The following LINGO2 variants were observed in gnomAD, a reference collection of about 807,000 sequenced individuals.
LINGO2 encodes leucine-rich repeat and immunoglobulin-like domain-containing nogo receptor-interacting protein 2.
Under a neutral mutation model 30.6 loss-of-function variants are expected in LINGO2, and 14 were observed. The observed-to-expected ratio is 0.46, with a 90% CI of 0.30 to 0.72. The LOEUF (loss-of-function observed/expected upper bound fraction) is 0.72. Among genes scored for constraint, LINGO2 ranks in the 30% least tolerant of loss-of-function variants. The pLI is 0.07. For missense variants in LINGO2, 729 were observed against 751.7 expected (o/e 0.97, Z 0.35); for synonymous variants, 317 against 288.5 (o/e 1.10, Z -1.00).
chr9:28,109,344 A>T (rs952233615), intron 4 of LINGO2, among the ~76,000 whole-genome samples: 1 of 152,190 alleles, frequency 6.6e-6, no homozygotes. Context: ...CAAGACAAGG[A>T]TGCCCTCTCT....
the LINGO2 span, among the ~76,000 whole-genome samples, chr9:29,122,880 G>A: frequency 6.6e-6 from 1 of 152,046 alleles, no homozygotes; most frequent in South Asian, 2.1e-4. Context: ...GTCATGTCTT[G>A]GGACATAAAT....
At chr9:29,165,328 C>T in the LINGO2 span, among the ~76,000 whole-genome samples, 1 of 151,988 alleles carries the variant, frequency 6.6e-6, no homozygotes. Context: ...AATAATGACT[C>T]AAAGCACTGG....
chr9:28,729,169 C>T, the LINGO2 span, among the ~76,000 whole-genome samples: 3 of 152,070 alleles, frequency 2.0e-5, no homozygotes, highest in African/African-American at 7.2e-5. Flanking sequence ...AGACTAGTAT[C>T]ATGCTGGATA....
chr9:28,151,155 C>A (rs1347916448), intron 4 of LINGO2, among the ~76,000 whole-genome samples: 1 of 152,146 alleles, frequency 6.6e-6, no homozygotes, highest in Non-Finnish European at 1.5e-5. Flanking sequence ...TAAGACCCAA[C>A]AGTACATTGC....
chr9:27,956,352 A>G (rs1819569052), intron 5 of LINGO2, among the ~76,000 whole-genome samples: 1 of 152,136 alleles, frequency 6.6e-6, no homozygotes, highest in Admixed American at 6.5e-5. Context: ...CCATTTAGGT[A>G]GATTCTTTGG....
At chr9:28,602,740 A>G (rs897998131) in intron 1 of LINGO2, among the ~76,000 whole-genome samples, 4 of 152,118 alleles carry the variant, frequency 2.6e-5, no homozygotes, top group African/African-American at 9.7e-5. Flanking sequence ...ATCCATATTT[A>G]GATTTCTGAA....
At chr9:28,553,837 C>T (rs144533698) in intron 1 of LINGO2, among the ~76,000 whole-genome samples, 2,347 of 152,004 alleles carry the variant, frequency 0.015, 28 homozygotes, top group Middle Eastern at 0.024. Context: ...GACTGGGGGC[C>T]GATATTCAAC....
the LINGO2 span, among the ~76,000 whole-genome samples, chr9:28,710,609 G>A: frequency 6.6e-6 from 1 of 151,844 alleles, no homozygotes; most frequent in Non-Finnish European, 1.5e-5. Context: ...AAATCTACTT[G>A]GGATGACTGG....
intron 1 of LINGO2, among the ~76,000 whole-genome samples, chr9:28,636,853 T>C (rs1248173898): frequency 6.6e-6 from 1 of 152,226 alleles, no homozygotes; most frequent in East Asian, 1.9e-4. Flanking sequence ...ATTTTGGCTT[T>C]TGTTGCCACT....
At chr9:28,046,157 G>A (rs1824412103) in intron 4 of LINGO2, among the ~76,000 whole-genome samples, 1 of 152,140 alleles carries the variant, frequency 6.6e-6, no homozygotes. Context: ...TTTTAAATGA[G>A]ATCCTTTTGC....
chr9:28,637,225 C>A (rs1202909170), intron 1 of LINGO2, among the ~76,000 whole-genome samples: 1 of 152,042 alleles, frequency 6.6e-6, no homozygotes, highest in Non-Finnish European at 1.5e-5. Context: ...GTTACTGTAG[C>A]CTTGTAGTAT....
At chr9:28,810,566 G>C in the LINGO2 span, among the ~76,000 whole-genome samples, 2 of 152,042 alleles carry the variant, frequency 1.3e-5, no homozygotes, top group Non-Finnish European at 2.9e-5. Flanking sequence ...GTGATTTAAT[G>C]ATGTTTATCC....
At chr9:29,194,981 A>G in the LINGO2 span, among the ~76,000 whole-genome samples, 10 of 152,116 alleles carry the variant, frequency 6.6e-5, no homozygotes, top group African/African-American at 2.4e-4. Context: ...CAGATACAGA[A>G]CAGCTCCAAC....
intron 3 of LINGO2, among the ~76,000 whole-genome samples, chr9:28,361,378 G>C (rs1820436870): frequency 1.3e-5 from 2 of 152,116 alleles, no homozygotes; most frequent in Non-Finnish European, 1.5e-5. Context: ...CTGTGGCCAG[G>C]CATCCACTGG....
intron 4 of LINGO2, among the ~76,000 whole-genome samples, chr9:28,209,299 C>T (rs371738069): frequency 5.3e-5 from 8 of 151,950 alleles, no homozygotes; most frequent in African/African-American, 1.9e-4. Context: ...TAAAAGGATG[C>T]TCTCAGACTT....
At chr9:28,332,464 A>C (rs1395416128) in intron 3 of LINGO2, among the ~76,000 whole-genome samples, 1 of 152,130 alleles carries the variant, frequency 6.6e-6, no homozygotes, top group Non-Finnish European at 1.5e-5. Context: ...ACATGGTCTT[A>C]ATAGAGGCAC....
chr9:28,929,685 T>A, the LINGO2 span, among the ~76,000 whole-genome samples: 1 of 152,288 alleles, frequency 6.6e-6, no homozygotes, highest in East Asian at 1.9e-4. Context: ...ACATAAATCC[T>A]AAGTATTATG....
intron 1 of LINGO2, among the ~76,000 whole-genome samples, chr9:28,618,753 A>C (rs1487642934): frequency 6.6e-6 from 1 of 152,170 alleles, no homozygotes; most frequent in Non-Finnish European, 1.5e-5. Flanking sequence ...TCTAAAGGAG[A>C]CACCAAGTTA....
chr9:28,041,010 TCATC>T (rs983935727), intron 4 of LINGO2, among the ~76,000 whole-genome samples: 1 of 152,282 alleles, frequency 6.6e-6, no homozygotes, highest in East Asian at 1.9e-4. Context: ...AGAGAGGACT[TCATC>T]CAACTGTGTC....
Sources: gnomAD v4.1 joint callset for allele counts (sites outside exome capture counted in the v4.1 genomes callset) on GRCh38, gnomAD v4.1.1 for gene constraint, MANE v1.5 for transcripts, NCBI Gene and HGNC (gene_info 2026-07-23, HGNC 2026-07-21) for gene names.